Variants in RSC1A1 observed in about 807,000 individuals in gnomAD.
The protein encoded by RSC1A1 is regulatory solute carrier protein family 1 member 1.
In RSC1A1, 6 loss-of-function variants were observed where a neutral mutation model predicts 7.7. The observed-to-expected ratio is 0.78, with a 90% CI of 0.43 to 1.53. RSC1A1 has a LOEUF of 1.53. RSC1A1 is among the 40% of genes most tolerant of loss of function. The pLI, the probability that RSC1A1 is intolerant of heterozygous loss-of-function variation, is 0.01. For missense variants in RSC1A1, 729 were observed against 726.3 expected (o/e 1.00, Z -0.04); for synonymous variants, 250 against 263.0 (o/e 0.95, Z 0.48).
rs1391794431 is a variant in RSC1A1 at position 15,660,337 on chromosome 1, C to G, written c.469C>G (p.Gln157Glu). 1 of 1,614,128 alleles carries G rather than the reference C, an allele frequency of 6.2e-7. No homozygotes were observed. The highest frequency in any genetic ancestry group is 1.7e-5 in the Admixed American group (1 of 60,022). ...LGEKDWHPEN[Q>E]NLSQVSDPQQ... Reference sequence around the variant, plus strand: ...TGAAAAGGATTGGCATCCAGAAAATCAGAACCTGAGTCAAGTGAGTGACCC... The same window carrying G: ...TGAAAAGGATTGGCATCCAGAAAATGAGAACCTGAGTCAAGTGAGTGACCC... The change falls in exon 1 of 1, where the codon CAG becomes GAG. Residue 157 changes from glutamine to glutamate, a missense_variant. By Grantham distance (29) the Gln-to-Glu change is conservative. Coordinates refer to ENST00000345034, the MANE Select transcript of RSC1A1 (RefSeq NM_006511.3).
At position 15,660,440 on chromosome 1, in the gene RSC1A1, G is replaced by A. The variant is rs1570994709; in HGVS notation, c.572G>A (p.Cys191Tyr). 6.2e-7 allele frequency: 1 copy of A among 1,614,058 alleles called. No homozygotes were observed. Among genetic ancestry groups the A allele is most frequent in the Non-Finnish European group, 8.5e-7 (1 of 1,180,010 alleles). ...GCTTCACATGACCAAGAATATCTTTGTAACATAGGGGACCTTGAGCTTCCT... is the reference window on the plus strand; with the variant it reads ...GCTTCACATGACCAAGAATATCTTTATAACATAGGGGACCTTGAGCTTCCT... Reference protein sequence around the residue: ...QKASHDQEYLCNIGDLELPEE... With the variant: ...QKASHDQEYLYNIGDLELPEE... The change falls in exon 1 of 1, where the codon TGT becomes TAT. Residue 191 changes from cysteine (C) to tyrosine (Y), a missense_variant. By Grantham distance (194) the Cys-to-Tyr change is radical (BLOSUM62 -2). Transcript: ENST00000345034.
chr1:15,661,791 C>T lies in RSC1A1; in HGVS notation c.*69C>T, dbSNP rs192574102. ...AAAGAAAGCTCTCTCTATATACACG[C>T]ACACATACACACTCACCACATATAC... On this transcript the variant is annotated 3_prime_UTR_variant, in exon 1 of 1. Transcript: ENST00000345034. 77 of 1,490,684 alleles carry T rather than the reference C, an allele frequency of 5.2e-5. No individual in the cohort carries two copies. In the East Asian group the frequency reaches 1.7e-3, roughly 33 times the overall value. The allele number at this position is 1,490,684 out of a possible 1,614,324, so 92.3% of individuals were successfully genotyped here.
In RSC1A1 at chr1:15,660,537, G is replaced by A. The variant is rs553352701; in HGVS notation, c.669G>A (p.Gln223=). The change falls in exon 1 of 1, where the codon CAG becomes CAA. Residue 223 remains glutamine, a synonymous_variant. Coordinates refer to ENST00000345034, the MANE Select transcript of RSC1A1 (RefSeq NM_006511.3). ...EATMKGNGLP[Q]NVDPPSAKKS... Reference sequence around the variant, plus strand: ...CGATGAAAGGAAATGGGCTCCCACAGAATGTGGATCCTCCAAGTGCGAAGA... The same window carrying A: ...CGATGAAAGGAAATGGGCTCCCACAAAATGTGGATCCTCCAAGTGCGAAGA... 26 of 1,613,140 alleles carry A rather than the reference G, an allele frequency of 1.6e-5. No homozygotes were observed. The African/African-American group carries it at 3.2e-4, about 20-fold the overall frequency.
At chr1:15,659,918 C>A in the RSC1A1 span, 1 of 1,609,104 alleles carries the variant, frequency 6.2e-7, no homozygotes, top group Non-Finnish European at 8.5e-7. Context: ...GCCCGTTCTT[C>A]AGGACAGAGT....
Position 15,659,979 on chromosome 1 carries a change from C to A in RSC1A1, c.111C>A (p.Val37=). 2 of 1,614,200 alleles carry A rather than the reference C, an allele frequency of 1.2e-6. No homozygotes were observed. Among genetic ancestry groups the A allele is most frequent in the East Asian group, 4.5e-5 (2 of 44,886 alleles). The change falls in exon 1 of 1, where the codon GTC becomes GTA. Residue 37 remains valine (V), a synonymous_variant. Coordinates refer to ENST00000345034, the MANE Select transcript of RSC1A1 (RefSeq NM_006511.3). The part of the protein sequence containing the change: ...MSLARSVSAS[V]CPIKPSDSDR... ...TTGCTCGCTCTGTCTCTGCTTCAGT[C>A]TGCCCTATCAAGCCCAGTGACTCAG... is the stretch of plus-strand genomic sequence containing the variant.
chr1:15,661,720 T>C lies in RSC1A1; in HGVS notation c.1852T>C (p.Ter618ArgextTer35). ...CGCAAAAAACATCGTAGTTCCTACA[T>C]GACTGTGGGAAAGTGGGCTAGACCG... Reference protein sequence around the residue: ...LLAKNIVVPT* With the variant: ...LLAKNIVVPTR Residue 618 changes from the stop codon to arginine, a stop_lost, in exon 1 of 1, where the codon TGA (stop) becomes CGA (arginine). Coordinates refer to ENST00000345034, the MANE Select transcript of RSC1A1 (RefSeq NM_006511.3). 1.9e-6 allele frequency: 3 copies of C among 1,605,018 alleles called. No individual in the cohort carries two copies. Among genetic ancestry groups the C allele is most frequent in the African/African-American group, 2.7e-5 (2 of 74,844 alleles).
Position 15,660,754 on chromosome 1 carries a change from C to T in RSC1A1, c.886C>T (p.Pro296Ser), listed in dbSNP as rs757602095. ...GGAAGTAGAAACATCAAAATGTAACCCTTCATCTGAAATTTTGAATGATTC... is the reference window on the plus strand; with the variant it reads ...GGAAGTAGAAACATCAAAATGTAACTCTTCATCTGAAATTTTGAATGATTC... ...LMEVETSKCN[P>S]SSEILNDSIS... is the part of the protein sequence containing the mutation. The change falls in exon 1 of 1, where the codon CCT becomes TCT. Residue 296 changes from proline (P) to serine (S), a missense_variant. By Grantham distance (74) the Pro-to-Ser change is moderately conservative (BLOSUM62 -1). Coordinates refer to ENST00000345034, the MANE Select transcript of RSC1A1 (RefSeq NM_006511.3). The T allele has an allele frequency of 6.2e-7, 1 of 1,613,598 alleles. No individual in the cohort carries two copies. Among genetic ancestry groups the T allele is most frequent in the South Asian group, 1.1e-5 (1 of 90,862 alleles).
Position 15,661,615 on chromosome 1 carries a change from G to A in RSC1A1, c.1747G>A (p.Ala583Thr). The A allele has an allele frequency of 6.2e-7, 1 of 1,614,060 alleles. No individual in the cohort carries two copies. Among genetic ancestry groups the A allele is most frequent in the Non-Finnish European group, 8.5e-7 (1 of 1,180,024 alleles). Reference sequence around the variant, plus strand: ...CACAGATATTGACCGCATTCTCCGTGCTGGCTTTACTTTGCAGGAAGCTCT... The same window carrying A: ...CACAGATATTGACCGCATTCTCCGTACTGGCTTTACTTTGCAGGAAGCTCT... The part of the protein sequence containing the change: ...PATDIDRILR[A>T]GFTLQEALGA... Residue 583 changes from alanine (A) to threonine (T), a missense_variant, in exon 1 of 1, where the codon GCT becomes ACT. Physicochemically the swap from Ala to Thr is moderately conservative, Grantham distance 58. Coordinates refer to ENST00000345034, the MANE Select transcript of RSC1A1 (RefSeq NM_006511.3).
chr1:15,661,451 T>C lies in RSC1A1; in HGVS notation c.1583T>C (p.Ile528Thr). 6.2e-7 allele frequency: 1 copy of C among 1,614,032 alleles called. No individual in the cohort carries two copies. Among genetic ancestry groups the C allele is most frequent in the Non-Finnish European group, 8.5e-7 (1 of 1,179,970 alleles). The change falls in exon 1 of 1, where the codon ATA (isoleucine) becomes ACA (threonine). Residue 528 changes from isoleucine to threonine, a missense_variant. Coordinates refer to ENST00000345034, the MANE Select transcript of RSC1A1 (RefSeq NM_006511.3). ...TTGGTTAAAGACTTAGGTCAGGGCA[T>C]ACAGAATTCAGTAACAGACAGGCCT... ...FILVKDLGQG[I>T]QNSVTDRPET... is the part of the protein sequence containing the mutation.
Position 15,659,748 on chromosome 1 carries a change from T to A in RSC1A1, c.-121T>A. On this transcript the variant is annotated 5_prime_UTR_variant, in exon 1 of 1. Coordinates refer to ENST00000345034, the MANE Select transcript of RSC1A1 (RefSeq NM_006511.3). Reference sequence around the variant, plus strand: ...CGAGTTTGAGGACCTTATTTTATTCTACGCTGTTTAGATTTGTATCCTCTG... The same window carrying A: ...CGAGTTTGAGGACCTTATTTTATTCAACGCTGTTTAGATTTGTATCCTCTG... The A allele has an allele frequency of 7.4e-7, 1 of 1,349,052 alleles. No individual in the cohort carries two copies. The highest frequency in any genetic ancestry group is 9.8e-7 in the Non-Finnish European group (1 of 1,021,830). The allele number at this position is 1,349,052 out of a possible 1,614,324, so 83.6% of individuals were successfully genotyped here.
At position 15,660,269 on chromosome 1, in the gene RSC1A1, C is replaced by A. The variant is rs757473323; in HGVS notation, c.401C>A (p.Ser134Tyr). The change falls in exon 1 of 1, where the codon TCT (serine) becomes TAT (tyrosine). Residue 134 changes from serine to tyrosine, a missense_variant. Transcript: ENST00000345034. ...CATACAAGACAGGAAGCTAGTTTAT[C>A]TGTCACATCTACTAGGATGCATGAA... The part of the protein sequence containing the change: ...HLHTRQEASL[S>Y]VTSTRMHEPQ... 1 of 1,614,194 alleles carries A rather than the reference C, an allele frequency of 6.2e-7. No homozygotes were observed. Among genetic ancestry groups the A allele is most frequent in the Non-Finnish European group, 8.5e-7 (1 of 1,180,036 alleles).
chr1:15,660,205 TCTG>T lies in RSC1A1; in HGVS notation c.341_343del (p.Ala114del). 6.2e-7 allele frequency: 1 copy of T among 1,614,164 alleles called. No individual in the cohort carries two copies. The highest frequency in any genetic ancestry group is 8.5e-7 in the Non-Finnish European group (1 of 1,180,032). On this transcript the variant is annotated inframe_deletion, in exon 1 of 1. Coordinates refer to ENST00000345034, the MANE Select transcript of RSC1A1 (RefSeq NM_006511.3). ...AACTGTTGCAGGTAATCTGGAGAAATCTGCTGAAAGAAGCACCCAGGGCCTCAA... is the reference window on the plus strand; with the variant it reads ...AACTGTTGCAGGTAATCTGGAGAAATCTGAAAGAAGCACCCAGGGCCTCAA...
rs1416491452 is a variant in RSC1A1 at position 15,661,279 on chromosome 1, C to T, written c.1411C>T (p.Arg471Cys). The T allele has an allele frequency of 4.3e-6, 7 of 1,614,058 alleles. No individual in the cohort carries two copies. Among genetic ancestry groups the T allele is most frequent in the African/African-American group, 1.3e-5 (1 of 75,032 alleles). ...PKSRESINKN[R>C]SVTVTSAKTS... ...ATCTAGGGAATCCATAAATAAGAAC[C>T]GTTCTGTCACTGTAACCTCAGCTAA... Residue 471 changes from arginine to cysteine, a missense_variant, in exon 1 of 1, where the codon CGT (arginine) becomes TGT (cysteine). Transcript: ENST00000345034.
Position 15,661,231 on chromosome 1 carries a change from A to G in RSC1A1, c.1363A>G (p.Thr455Ala), listed in dbSNP as rs766837954. 7 of 1,614,042 alleles carry G rather than the reference A, an allele frequency of 4.3e-6. No homozygotes were observed. The highest frequency in any genetic ancestry group is 5.9e-6 in the Non-Finnish European group (7 of 1,180,028). The change falls in exon 1 of 1, where the codon ACC becomes GCC. Residue 455 changes from threonine to alanine, a missense_variant. Physicochemically the swap from Thr to Ala is moderately conservative, Grantham distance 58. Transcript: ENST00000345034. ...CAGGAGTCTAGGTGATGGCCTGTCA[A>G]CCGATAAGGAAGGTGTCCCCAAATC... The part of the protein sequence containing the change: ...NFRSLGDGLS[T>A]DKEGVPKSRE...
At position 15,661,976 on chromosome 1, in the gene RSC1A1, G is replaced by T; in HGVS notation, c.*254G>T. On this transcript the variant is annotated 3_prime_UTR_variant, in exon 1 of 1. Transcript: ENST00000345034. ...GTATTGGCAGTATGTGCATACAGAA[G>T]CTTTTTATTCTCATTAAGATGTATC... 2.6e-6 allele frequency: 1 copy of T among 379,566 alleles called. No homozygotes were observed. Among genetic ancestry groups the T allele is most frequent in the Non-Finnish European group, 4.6e-6 (1 of 216,506 alleles). The allele number at this position is 379,566 out of a possible 1,614,324, so 23.5% of individuals were successfully genotyped here.
In RSC1A1 at chr1:15,660,621, C is replaced by T. The variant is rs779568107; in HGVS notation, c.753C>T (p.Ile251=). 46 of 1,613,972 alleles carry T rather than the reference C, an allele frequency of 2.9e-5. No homozygotes were observed. The highest frequency in any genetic ancestry group is 2.6e-4 in the South Asian group (24 of 91,052). The part of the protein sequence containing the change: ...GCSNSETFME[I]DTAQQSLVTL... ...CAAATTCAGAAACATTTATGGAAAT[C>T]GATACAGCTCAACAGTCCCTAGTTA... The change falls in exon 1 of 1, where the codon ATC becomes ATT. Residue 251 remains isoleucine (I), a synonymous_variant. Transcript: ENST00000345034.
In RSC1A1 at chr1:15,660,215, G is replaced by A. The variant is rs774102578; in HGVS notation, c.347G>A (p.Arg116Lys). 142 of 1,614,070 alleles carry A rather than the reference G, an allele frequency of 8.8e-5. No homozygotes were observed. The highest frequency in any genetic ancestry group is 2.5e-4 in the Admixed American group (15 of 59,996). The change falls in exon 1 of 1, where the codon AGA becomes AAA. Residue 116 changes from arginine (R) to lysine (K), a missense_variant. Arg to Lys is a conservative substitution (Grantham distance 26). Transcript: ENST00000345034. ...VAGNLEKSAE[R>K]STQGLKFHLH... ...GGTAATCTGGAGAAATCTGCTGAAA[G>A]AAGCACCCAGGGCCTCAAATTTCAT...
Position 15,660,370 on chromosome 1 carries a change from C to T in RSC1A1, c.502C>T (p.His168Tyr), listed in dbSNP as rs1640347578. 1 of 1,613,966 alleles carries T rather than the reference C, an allele frequency of 6.2e-7. No homozygotes were observed. The highest frequency in any genetic ancestry group is 8.5e-7 in the Non-Finnish European group (1 of 1,179,964). Residue 168 changes from histidine (H) to tyrosine (Y), a missense_variant, in exon 1 of 1, where the codon CAC becomes TAC. Physicochemically the swap from His to Tyr is moderately conservative, Grantham distance 83. Coordinates refer to ENST00000345034, the MANE Select transcript of RSC1A1 (RefSeq NM_006511.3). ...GAGTCAAGTGAGTGACCCTCAGCAG[C>T]ACGAAGAACCAGGGAATGAACAGTA... ...NLSQVSDPQQ[H>Y]EEPGNEQYEV... is the part of the protein sequence containing the mutation.
Sources: gnomAD v4.1 joint callset for allele counts on GRCh38, gnomAD v4.1.1 for gene constraint, MANE v1.5 for transcripts, NCBI Gene and HGNC (gene_info 2026-07-23, HGNC 2026-07-21) for gene names.